LRBA: variants seen among roughly 807,000 people sequenced by gnomAD.
LRBA encodes the protein lipopolysaccharide-responsive and beige-like anchor protein.
A neutral mutation model predicts 330.0 loss-of-function variants in LRBA; 176 were observed. That is an observed-to-expected ratio of 0.53 (90% CI 0.47 to 0.60). LRBA has a LOEUF of 0.60. Ranked by LOEUF, LRBA falls within the 20% of genes least tolerant of loss-of-function variation. LRBA has a pLI of 0.00. For missense variants in LRBA, 3,259 were observed against 3,444.8 expected, an observed-to-expected ratio of 0.95 and a Z score of 1.35; for synonymous variants, 1,230 against 1,193.0, an observed-to-expected ratio of 1.03 and a Z score of -0.64.
At chr4:150,859,515 T>C (rs542210082) in intron 22 of LRBA, among the ~76,000 whole-genome samples, 48 of 151,476 alleles carry the variant, frequency 3.2e-4, no homozygotes, top group Non-Finnish European at 5.8e-4. Flanking sequence ...AATAAGACAA[T>C]GAAATCACAA....
intron 40 of LRBA, among the ~76,000 whole-genome samples, chr4:150,550,807 T>G (rs1221233684): frequency 6.6e-6 from 1 of 152,214 alleles, no homozygotes; most frequent in Admixed American, 6.5e-5. Flanking sequence ...GCAACTAACA[T>G]TTCACGGAAA....
At chr4:150,592,634 T>C (rs1773032893) in intron 38 of LRBA, among the ~76,000 whole-genome samples, 1 of 152,158 alleles carries the variant, frequency 6.6e-6, no homozygotes, top group Admixed American at 6.5e-5. Flanking sequence ...GCTTTATTTA[T>C]TTTTTATTTA....
intron 2 of LRBA, among the ~76,000 whole-genome samples, chr4:150,966,993 A>C (rs1332514232): frequency 6.6e-6 from 1 of 152,214 alleles, no homozygotes; most frequent in East Asian, 1.9e-4. Flanking sequence ...AGCCTTCACT[A>C]TCTCTTATTA....
At chr4:150,461,055 T>G (rs953117712) in intron 44 of LRBA, among the ~76,000 whole-genome samples, 1 of 151,824 alleles carries the variant, frequency 6.6e-6, no homozygotes, top group African/African-American at 2.4e-5. Context: ...ACATTCAGCT[T>G]TTTTTGTAAA....
chr4:150,436,957 A>AATGCTTTACT, intron 44 of LRBA, 93 bp from the exon 45 acceptor site: 1 of 1,160,504 alleles, frequency 8.6e-7, no homozygotes, highest in Non-Finnish European at 1.2e-6. Flanking sequence ...GGTAAGTATA[A>AATGCTTTACT]AAGTGAATTT....
chr4:150,910,159 A>C (rs1731823352), intron 9 of LRBA, among the ~76,000 whole-genome samples: 1 of 152,106 alleles, frequency 6.6e-6, no homozygotes, highest in Non-Finnish European at 1.5e-5. Context: ...TATAACTTTG[A>C]CAACATCTTA....
intron 35 of LRBA, among the ~76,000 whole-genome samples, chr4:150,760,420 T>C (rs1369384242): frequency 7.2e-5 from 11 of 152,076 alleles, no homozygotes; most frequent in Admixed American, 7.2e-4. Flanking sequence ...CTTCCCTCCT[T>C]CAACCTATCC....
intron 40 of LRBA, among the ~76,000 whole-genome samples, chr4:150,563,874 G>T (rs920782092): frequency 6.6e-6 from 1 of 152,150 alleles, no homozygotes; most frequent in African/African-American, 2.4e-5. Flanking sequence ...ACTGTTCAGT[G>T]AAATAAAGGA....
chr4:150,644,245 A>G (rs1263182625), intron 37 of LRBA, among the ~76,000 whole-genome samples: 1 of 151,932 alleles, frequency 6.6e-6, no homozygotes, highest in African/African-American at 2.4e-5. Flanking sequence ...ATATTACCAA[A>G]CAAAGCACTC....
chr4:150,685,420 A>ATATATATATATATTTT (rs1561514146), intron 36 of LRBA, among the ~76,000 whole-genome samples: 1 of 17,440 alleles, frequency 5.7e-5, no homozygotes, highest in African/African-American at 2.4e-4. Flanking sequence ...ATATATATAT[A>ATATATATATATATTTT]TTTTTTTTTT....
intron 36 of LRBA, among the ~76,000 whole-genome samples, chr4:150,730,775 T>C (rs1312435239): frequency 6.6e-6 from 1 of 151,748 alleles, no homozygotes; most frequent in African/African-American, 2.4e-5. Context: ...CTCAGCACTT[T>C]GGGAGGCTGA....
intron 40 of LRBA, among the ~76,000 whole-genome samples, chr4:150,545,166 A>T (rs1338339492): frequency 1.3e-5 from 2 of 152,214 alleles, no homozygotes; most frequent in East Asian, 3.8e-4. Context: ...AAATGAATTA[A>T]CATCTTTGTT....
intron 37 of LRBA, among the ~76,000 whole-genome samples, chr4:150,631,165 T>C (rs1777337243): frequency 6.6e-6 from 1 of 151,978 alleles, no homozygotes; most frequent in East Asian, 1.9e-4. Context: ...TTTCAGAGTT[T>C]AGACTATTCT....
intron 2 of LRBA, among the ~76,000 whole-genome samples, chr4:150,994,843 C>T (rs751435027): frequency 3.0e-4 from 46 of 152,148 alleles, no homozygotes; most frequent in Admixed American, 1.2e-3. Flanking sequence ...TAGTATTTTT[C>T]ATGAGTGGCT....
At chr4:150,593,925 T>C (rs1252260394) in intron 38 of LRBA, among the ~76,000 whole-genome samples, 1 of 152,122 alleles carries the variant, frequency 6.6e-6, no homozygotes, top group Non-Finnish European at 1.5e-5. Context: ...AGAAATATAA[T>C]TATCCCTTCC....
chr4:150,931,980 C>G lies in LRBA; in HGVS notation c.217-2915G>C, dbSNP rs896441188. Among the ~76,000 whole-genome samples the G allele has an allele frequency of 2.6e-5, 4 of 151,796 alleles. No individual in the cohort carries two copies. The South Asian group carries it at 6.2e-4, about 24-fold the overall frequency. ...TCCCAGCACTTCTGGGAGACCAAGG[C>G]GGGAGAGTCATGTGAGTGCAGGACT... On this transcript the variant is annotated intron_variant, in intron 2 of 56. Transcript: ENST00000651943.
intron 53 of LRBA, among the ~76,000 whole-genome samples, chr4:150,296,490 C>T (rs12503255): frequency 0.057 from 8,602 of 152,082 alleles, 402 homozygotes; most frequent in East Asian, 0.18. Context: ...TAAAAAATTA[C>T]CAGATAAATG....
chr4:150,440,639 T>G (rs1200325747), intron 44 of LRBA, among the ~76,000 whole-genome samples: 1 of 151,974 alleles, frequency 6.6e-6, no homozygotes, highest in Non-Finnish European at 1.5e-5. Flanking sequence ...ATGGGCATGG[T>G]GGTGTATGCC....
chr4:150,967,497 T>G (rs1369711921), intron 2 of LRBA, among the ~76,000 whole-genome samples: 2 of 152,250 alleles, frequency 1.3e-5, no homozygotes, highest in African/African-American at 4.8e-5. Context: ...TTGCAAAATA[T>G]GCTCAGTTCA....
Sources: gnomAD v4.1 joint callset for allele counts (sites outside exome capture counted in the v4.1 genomes callset) on GRCh38, gnomAD v4.1.1 for gene constraint, MANE v1.5 for transcripts, NCBI Gene and HGNC (gene_info 2026-07-23, HGNC 2026-07-21) for gene names.